Variants in TMC1 observed in about 807,000 individuals in gnomAD.
TMC1 encodes transmembrane channel-like protein 1.
TMC1 carries 84 observed loss-of-function variants against 105.8 expected under a neutral mutation model. The observed-to-expected ratio is 0.79, with a 90% CI of 0.67 to 0.95. TMC1 has a LOEUF of 0.95. TMC1 is among the 40% of genes least tolerant of loss of function. The pLI, the probability that TMC1 is intolerant of heterozygous loss-of-function variation, is 0.00. For synonymous variants in TMC1, 315 were observed against 311.5 expected, an observed-to-expected ratio of 1.01 and a Z score of -0.12; for missense variants, 817 against 914.1, an observed-to-expected ratio of 0.89 and a Z score of 1.37.
Position 72,562,042 on chromosome 9 carries a change from G to A in TMC1, c.-427-15860G>A, listed in dbSNP as rs143814025. On this transcript the variant is annotated intron_variant, in intron 1 of 23. Coordinates refer to ENST00000297784, the MANE Select transcript of TMC1 (RefSeq NM_138691.3). ...AAAAAAATTAAAATTTTAACACAAGGGCCCAAACAAGTCAACAGTAATTAC... is the reference window on the plus strand; with the variant it reads ...AAAAAAATTAAAATTTTAACACAAGAGCCCAAACAAGTCAACAGTAATTAC... 2.6e-3 allele frequency among the ~76,000 whole-genome samples: 399 copies of A among 151,988 alleles called. 5 individuals carry two copies. Among genetic ancestry groups the A allele is most frequent in the African/African-American group, 9.2e-3 (381 of 41,454 alleles).
chr9:72,618,796 C>T (rs1166922877), intron 3 of TMC1, among the ~76,000 whole-genome samples: 3 of 151,882 alleles, frequency 2.0e-5, no homozygotes, highest in Non-Finnish European at 2.9e-5. Context: ...ACCAAGATTT[C>T]AGAGAAAAAC....
chr9:72,824,809 G>A (rs1193710463), intron 20 of TMC1, among the ~76,000 whole-genome samples: 3 of 152,216 alleles, frequency 2.0e-5, no homozygotes, highest in East Asian at 3.8e-4. Context: ...GCGCCAAACA[G>A]GAAGACAAGT....
At chr9:72,833,189 GAC>G (rs1316383907) in intron 23 of TMC1, among the ~76,000 whole-genome samples, 1 of 152,020 alleles carries the variant, frequency 6.6e-6, no homozygotes, top group Non-Finnish European at 1.5e-5. Context: ...CATTATTATG[GAC>G]ACACAGTCTT....
intron 13 of TMC1, among the ~76,000 whole-genome samples, chr9:72,783,217 C>T (rs1006203773): frequency 5.9e-5 from 9 of 151,970 alleles, no homozygotes; most frequent in Non-Finnish European, 8.8e-5. Flanking sequence ...GGTGAAGTTT[C>T]GTGTTAGGCC....
intron 8 of TMC1, among the ~76,000 whole-genome samples, chr9:72,702,234 T>G (rs1027900378): frequency 6.6e-6 from 1 of 152,160 alleles, no homozygotes; most frequent in Admixed American, 6.6e-5. Flanking sequence ...AATATATGAT[T>G]GAATAAAAAT....
chr9:72,818,831 A>G (rs1588099627), intron 19 of TMC1: 1 of 152,206 alleles, frequency 6.6e-6, no homozygotes, highest in Non-Finnish European at 1.5e-5. Flanking sequence ...TTATTATGCC[A>G]GGACTTATTT....
At chr9:72,672,331 A>G (rs1826136963) in intron 5 of TMC1, among the ~76,000 whole-genome samples, 1 of 152,132 alleles carries the variant, frequency 6.6e-6, no homozygotes, top group South Asian at 2.1e-4. Flanking sequence ...AATGAAATAT[A>G]AATATTTTCT....
intron 8 of TMC1, among the ~76,000 whole-genome samples, chr9:72,720,241 T>A (rs1286592631): frequency 6.6e-6 from 1 of 152,220 alleles, no homozygotes; most frequent in Non-Finnish European, 1.5e-5. Context: ...CTTACCTTGG[T>A]ATGATGGAGG....
Position 72,562,123 on chromosome 9 carries a change from T to C in TMC1, c.-427-15779T>C, listed in dbSNP as rs563585035. 4.6e-5 allele frequency among the ~76,000 whole-genome samples: 7 copies of C among 152,330 alleles called. No homozygotes were observed. In the South Asian group the frequency reaches 1.4e-3, roughly 32 times the overall value. ...CTCACAGTGCTTTAAACATACGTAG[T>C]TACCATTCTGTCCACTTGGTTGCCT... On this transcript the variant is annotated intron_variant, in intron 1 of 23. Transcript: ENST00000297784.
intron 23 of TMC1, among the ~76,000 whole-genome samples, chr9:72,832,164 C>T (rs1485669520): frequency 6.6e-6 from 1 of 151,992 alleles, no homozygotes; most frequent in African/African-American, 2.4e-5. Flanking sequence ...GTTGCCCAGG[C>T]TGCTCTCAAA....
chr9:72,754,636 G>A (rs112407996), intron 11 of TMC1, 150 bp from the exon 12 acceptor site: 28 of 686,502 alleles, frequency 4.1e-5, no homozygotes, highest in Middle Eastern at 5.3e-4. Flanking sequence ...TTTAGTAGTC[G>A]ATTCCCAGAA....
At chr9:72,742,308 C>A (rs1827402814) in intron 9 of TMC1, 136 bp from the exon 10 acceptor site, 2 of 738,882 alleles carry the variant, frequency 2.7e-6, no homozygotes, top group Non-Finnish European at 4.8e-6. Context: ...CTGTTTCCCC[C>A]TTTGACTAGA....
At chr9:72,602,023 T>C (rs1359316839) in intron 2 of TMC1, among the ~76,000 whole-genome samples, 2 of 152,206 alleles carry the variant, frequency 1.3e-5, no homozygotes, top group Non-Finnish European at 2.9e-5. Context: ...TAATTTTATA[T>C]AATATTTTAA....
At chr9:72,749,203 G>C (rs1459721600) in intron 10 of TMC1, among the ~76,000 whole-genome samples, 1 of 152,148 alleles carries the variant, frequency 6.6e-6, no homozygotes, top group Admixed American at 6.5e-5. Flanking sequence ...GTGCTGAGAG[G>C]ATGGGCCGTG....
chr9:72,627,180 C>T (rs897751917), intron 3 of TMC1, among the ~76,000 whole-genome samples: 1 of 152,146 alleles, frequency 6.6e-6, no homozygotes, highest in Non-Finnish European at 1.5e-5. Flanking sequence ...GAAAAACAGT[C>T]TCAGTTTAAA....
At chr9:72,570,370 T>C (rs1030071271) in intron 1 of TMC1, among the ~76,000 whole-genome samples, 27 of 152,112 alleles carry the variant, frequency 1.8e-4, no homozygotes, top group Non-Finnish European at 2.6e-4. Flanking sequence ...TCCACAATTA[T>C]GGCAAATATT....
intron 6 of TMC1, among the ~76,000 whole-genome samples, chr9:72,690,700 A>C (rs1248745912): frequency 6.6e-6 from 1 of 152,098 alleles, no homozygotes. Flanking sequence ...AGTCTTATGA[A>C]GGTTTCCTTG....
chr9:72,754,892 T>A lies in TMC1; in HGVS notation c.741+8T>A, dbSNP rs757657473. 31 of 1,603,978 alleles carry A rather than the reference T, an allele frequency of 1.9e-5. No individual in the cohort carries two copies. The highest frequency in any genetic ancestry group is 2.6e-5 in the Non-Finnish European group (30 of 1,170,724). On this transcript the variant is annotated splice_region_variant and intron_variant, in intron 12 of 23. Transcript: ENST00000297784. ...GTGTTGTACGACTTCAATGTAAGTG[T>A]CTCCACACAAGTGTATTGGTGGGAG...
chr9:72,602,220 T>A (rs1587982521), intron 2 of TMC1, among the ~76,000 whole-genome samples: 1 of 152,058 alleles, frequency 6.6e-6, no homozygotes, highest in Admixed American at 6.6e-5. Flanking sequence ...ACACAGGTGG[T>A]TTTAGTATAA....
Sources: allele counts gnomAD v4.1 joint callset (sites outside exome capture counted in the v4.1 genomes callset), GRCh38; gene constraint gnomAD v4.1.1; transcripts MANE v1.5; gene names NCBI Gene and HGNC (gene_info 2026-07-23, HGNC 2026-07-21).